The following CACNB2 variants were observed in gnomAD, a reference collection of about 807,000 sequenced individuals.
CACNB2 encodes the protein calcium voltage-gated channel auxiliary subunit beta 2, also known as voltage-dependent L-type calcium channel subunit beta-2.
In CACNB2, 42 loss-of-function variants were observed where a neutral mutation model predicts 73.3. That is an observed-to-expected ratio of 0.57 (90% confidence interval 0.45 to 0.74). The LOEUF (loss-of-function observed/expected upper bound fraction) is 0.74, where lower values mean the gene tolerates loss of function less well. Among genes scored for constraint, CACNB2 ranks in the 30% least tolerant of loss-of-function variants. The probability of loss-of-function intolerance (pLI) is 0.00; values close to 1 mark genes in which losing one functional copy is unlikely to be tolerated. For synonymous variants in CACNB2, 348 were observed against 310.3 expected, an observed-to-expected ratio of 1.12 and a Z score of -1.28; for missense variants, 940 against 853.0, an observed-to-expected ratio of 1.10 and a Z score of -1.27.
intron 2 of CACNB2, among the ~76,000 whole-genome samples, chr10:18,332,346 G>A (rs1446693315): frequency 6.6e-6 from 1 of 152,134 alleles, no homozygotes; most frequent in Non-Finnish European, 1.5e-5. Flanking sequence ...GTGATTAGCT[G>A]GGAGGATAGG....
chr10:18,402,723 T>G lies in CACNB2; in HGVS notation c.333+680T>G, dbSNP rs919422925. Among the ~76,000 whole-genome samples the G allele has an allele frequency of 3.9e-5, 6 of 152,356 alleles. No individual in the cohort carries two copies. The South Asian group carries it at 1.2e-3, about 32-fold the overall frequency. ...GTGATTTGAATTCTTTCTCCCATGC[T>G]GTCCTTGGAATAGTGGCTATTTCTA... On this transcript the variant is annotated intron_variant, in intron 3 of 13. Transcript: ENST00000324631.
At chr10:18,443,319 T>A (rs2046568538) in intron 3 of CACNB2, among the ~76,000 whole-genome samples, 1 of 151,884 alleles carries the variant, frequency 6.6e-6, no homozygotes, top group African/African-American at 2.4e-5. Flanking sequence ...GACAGCACAC[T>A]CATCAGTTCA....
chr10:18,401,428 A>G (rs1233227449), intron 2 of CACNB2, among the ~76,000 whole-genome samples: 1 of 152,172 alleles, frequency 6.6e-6, no homozygotes, highest in Non-Finnish European at 1.5e-5. Flanking sequence ...GCAGGTGTAT[A>G]AAAAGGTAAA....
At chr10:18,358,480 C>T (rs2042008602) in intron 2 of CACNB2, among the ~76,000 whole-genome samples, 1 of 140,938 alleles carries the variant, frequency 7.1e-6, no homozygotes, top group Non-Finnish European at 1.5e-5. Flanking sequence ...GAGGGAAATT[C>T]CTTTTCTAAT....
chr10:18,300,020 C>CT (rs113228742), intron 2 of CACNB2, among the ~76,000 whole-genome samples: 51,849 of 146,638 alleles, frequency 0.35, 9,041 homozygotes, highest in East Asian at 0.41. Context: ...TGTTGCATTT[C>CT]TTTTTTTTTT....
intron 7 of CACNB2, among the ~76,000 whole-genome samples, chr10:18,518,106 C>T (rs2051460897): frequency 6.6e-6 from 1 of 152,186 alleles, no homozygotes; most frequent in Non-Finnish European, 1.5e-5. Flanking sequence ...AGGTCTGTAG[C>T]ATTTCTTGAG....
chr10:18,279,500 C>A (rs2038446914), intron 2 of CACNB2, among the ~76,000 whole-genome samples: 3 of 152,202 alleles, frequency 2.0e-5, no homozygotes, highest in Non-Finnish European at 2.9e-5. Context: ...GTTCCCTTGG[C>A]AGACATTTGT....
intron 2 of CACNB2, among the ~76,000 whole-genome samples, chr10:18,346,993 T>G (rs1446304945): frequency 6.6e-6 from 1 of 152,102 alleles, no homozygotes; most frequent in Non-Finnish European, 1.5e-5. Context: ...AAAATAGACC[T>G]GCTGCTGTCA....
At chr10:18,208,559 C>T (rs2035189906) in intron 2 of CACNB2, among the ~76,000 whole-genome samples, 1 of 152,028 alleles carries the variant, frequency 6.6e-6, no homozygotes, top group African/African-American at 2.4e-5. Context: ...CTGCAGTGAG[C>T]CATGATCGTG....
intron 2 of CACNB2, among the ~76,000 whole-genome samples, chr10:18,382,244 A>T (rs1312720078): frequency 2.6e-5 from 4 of 152,002 alleles, no homozygotes; most frequent in Non-Finnish European, 2.9e-5. Context: ...CAGATTTTTC[A>T]GGAGGGCTGT....
rs374465425 is a variant in CACNB2 at position 18,498,347 on chromosome 10, C to T, written c.334-8C>T. Reference sequence around the variant, plus strand: ...TTATTTTTTTCCCTCTTCCTTTTCCCACTTTAGACAAAGCCCGTTGCATTT... The same window carrying T: ...TTATTTTTTTCCCTCTTCCTTTTCCTACTTTAGACAAAGCCCGTTGCATTT... On this transcript the variant is annotated splice_region_variant and splice_polypyrimidine_tract_variant and intron_variant, in intron 3 of 13. Coordinates refer to ENST00000324631, the MANE Select transcript of CACNB2 (RefSeq NM_201596.3). 5.5e-5 allele frequency: 88 copies of T among 1,613,930 alleles called. No homozygotes were observed. Among genetic ancestry groups the T allele is most frequent in the Non-Finnish European group, 7.5e-5 (88 of 1,179,958 alleles).
At chr10:18,163,042 A>T (rs1000898386) in intron 2 of CACNB2, among the ~76,000 whole-genome samples, 1 of 152,174 alleles carries the variant, frequency 6.6e-6, no homozygotes, top group Non-Finnish European at 1.5e-5. Context: ...CCTCCAAGAC[A>T]GGATATATAT....
At chr10:18,481,231 T>TA (rs1467945071) in intron 3 of CACNB2, among the ~76,000 whole-genome samples, 26 of 12,490 alleles carry the variant, frequency 2.1e-3, no homozygotes, top group East Asian at 0.019. Context: ...TATATATATA[T>TA]TTTTTTTTTT....
intron 2 of CACNB2, among the ~76,000 whole-genome samples, chr10:18,229,910 T>C (rs1657142536): frequency 6.6e-6 from 1 of 152,208 alleles, no homozygotes; most frequent in African/African-American, 2.4e-5. Flanking sequence ...GAATATGCCA[T>C]GCAACCTTTA....
chr10:18,491,851 T>G (rs2049453526), intron 3 of CACNB2, among the ~76,000 whole-genome samples: 1 of 77,022 alleles, frequency 1.3e-5, no homozygotes. Context: ...AAAAAAAGCC[T>G]GAGCGTTTGA....
chr10:18,393,187 T>TGACAGAGTCA (rs11281154), intron 2 of CACNB2, among the ~76,000 whole-genome samples: 1 of 150,342 alleles, frequency 6.7e-6, no homozygotes, highest in Admixed American at 6.6e-5. Context: ...CCAGCCTGGA[T>TGACAGAGTCA]GACTCCATGT....
chr10:18,346,471 G>A (rs547315001), intron 2 of CACNB2, among the ~76,000 whole-genome samples: 86 of 152,080 alleles, frequency 5.7e-4, no homozygotes, highest in African/African-American at 2.0e-3. Context: ...TTTCTGGTAA[G>A]GGATCTGCTA....
At chr10:18,155,406 G>A (rs1016413951) in intron 2 of CACNB2, among the ~76,000 whole-genome samples, 1 of 152,196 alleles carries the variant, frequency 6.6e-6, no homozygotes, top group African/African-American at 2.4e-5. Context: ...GTTTGTTGGT[G>A]TGATTTTACA....
chr10:18,313,594 C>G (rs1289553147), intron 2 of CACNB2, among the ~76,000 whole-genome samples: 1 of 152,090 alleles, frequency 6.6e-6, no homozygotes, highest in African/African-American at 2.4e-5. Context: ...TCAACACTTC[C>G]TTTTCCTCCC....
Sources: gnomAD v4.1 joint callset for allele counts (sites outside exome capture counted in the v4.1 genomes callset) on GRCh38, gnomAD v4.1.1 for gene constraint, MANE v1.5 for transcripts, NCBI Gene and HGNC (gene_info 2026-07-23, HGNC 2026-07-21) for gene names.